The following BACH2 variants were observed in gnomAD, a reference collection of about 807,000 sequenced individuals.
The protein encoded by BACH2 is transcription regulator protein BACH2.
A neutral mutation model predicts 61.8 loss-of-function variants in BACH2; 5 were observed. The ratio of observed to expected loss-of-function variants is 0.08; its 90% CI spans 0.04 to 0.17. The LOEUF is 0.17. Ranked by LOEUF, BACH2 falls within the 10% of genes least tolerant of loss-of-function variation. BACH2 has a pLI of 1.00. For synonymous variants in BACH2, 446 were observed against 440.1 expected, an observed-to-expected ratio of 1.01 and a Z score of -0.17; for missense variants, 824 against 1,091.1, an observed-to-expected ratio of 0.76 and a Z score of 3.45.
At position 90,004,334 on chromosome 6, in the gene BACH2, C is replaced by T. The variant is rs77978239; in HGVS notation, c.243+4268G>A. Among the ~76,000 whole-genome samples the T allele has an allele frequency of 6.7e-3, 1,018 of 152,232 alleles. 22 individuals carry two copies. The East Asian group carries it at 0.079, about 12-fold the overall frequency. On this transcript the variant is annotated intron_variant, in intron 6 of 8. Transcript: ENST00000257749. ...GAAAGCAAAAGATAGTGAGCACAAG[C>T]GAGCACAAACCTGAAATCTATTTAT...
intron 4 of BACH2, among the ~76,000 whole-genome samples, chr6:90,112,715 G>T (rs553153579): frequency 1.6e-3 from 236 of 152,216 alleles, no homozygotes; most frequent in Non-Finnish European, 2.5e-3. Context: ...AAAATAATCA[G>T]CTAACAGCAC....
rs532555928 is a variant in BACH2, at chr6:90,258,304, T to A, written c.-352-5714A>T. 2.6e-5 allele frequency among the ~76,000 whole-genome samples: 4 copies of A among 152,306 alleles called. No homozygotes were observed. In the East Asian group the frequency reaches 7.7e-4, roughly 29 times the overall value. Reference sequence around the variant, plus strand: ...ATGTGGAAATCCAGTTTTCTTAACATCCTATCAAAGAGACTATTCTTTTCC... The same window carrying A: ...ATGTGGAAATCCAGTTTTCTTAACAACCTATCAAAGAGACTATTCTTTTCC... On this transcript the variant is annotated intron_variant, in intron 2 of 8. Coordinates refer to ENST00000257749, the MANE Select transcript of BACH2 (RefSeq NM_021813.4).
intron 4 of BACH2, among the ~76,000 whole-genome samples, chr6:90,193,686 T>C (rs1245707481): frequency 6.6e-6 from 1 of 152,214 alleles, no homozygotes; most frequent in Non-Finnish European, 1.5e-5. Context: ...ATACTTCCAC[T>C]GGGCTGAGAG....
chr6:90,159,174 G>A (rs1219754807), intron 4 of BACH2, among the ~76,000 whole-genome samples: 1 of 152,164 alleles, frequency 6.6e-6, no homozygotes, highest in African/African-American at 2.4e-5. Flanking sequence ...CAGCAGAATC[G>A]TTTCCCTACT....
At chr6:90,188,602 A>G (rs564825009) in intron 4 of BACH2, among the ~76,000 whole-genome samples, 1 of 152,264 alleles carries the variant, frequency 6.6e-6, no homozygotes, top group Non-Finnish European at 1.5e-5. Flanking sequence ...ATTCATGACC[A>G]AAAGACACTG....
intron 5 of BACH2, among the ~76,000 whole-genome samples, chr6:90,074,620 A>G (rs1391835069): frequency 6.6e-6 from 1 of 152,224 alleles, no homozygotes; most frequent in Non-Finnish European, 1.5e-5. Flanking sequence ...TTACTGCAGT[A>G]GGGCTCAATT....
chr6:90,036,461 T>A (rs900645044), intron 5 of BACH2, among the ~76,000 whole-genome samples: 87 of 152,152 alleles, frequency 5.7e-4, no homozygotes, highest in African/African-American at 1.9e-3. Flanking sequence ...TACTTTGAAT[T>A]TTTTCTAACA....
At chr6:90,161,086 CAA>C (rs11390042) in intron 4 of BACH2, among the ~76,000 whole-genome samples, 8 of 105,208 alleles carry the variant, frequency 7.6e-5, no homozygotes, top group Admixed American at 2.1e-4. Flanking sequence ...GACTCCGTCT[CAA>C]AAAAAAAAAA....
intron 3 of BACH2, among the ~76,000 whole-genome samples, chr6:90,238,938 C>T (rs554797741): frequency 2.0e-5 from 3 of 152,060 alleles, no homozygotes; most frequent in Non-Finnish European, 4.4e-5. Context: ...GAAGAGCACA[C>T]CTCACTTCCT....
At chr6:90,092,165 T>A (rs1371312997) in intron 4 of BACH2, among the ~76,000 whole-genome samples, 1 of 151,676 alleles carries the variant, frequency 6.6e-6, no homozygotes, top group African/African-American at 2.4e-5. Context: ...TGTACAACTA[T>A]CATTGCAAAG....
chr6:90,257,136 C>T (rs1198108450), intron 2 of BACH2, among the ~76,000 whole-genome samples: 2 of 152,208 alleles, frequency 1.3e-5, no homozygotes, highest in East Asian at 1.9e-4. Context: ...TCATCAGACA[C>T]TTAGGTTGTT....
In BACH2 at chr6:89,994,735, C is replaced by A. The variant is rs145809509; in HGVS notation, c.243+13867G>T. On this transcript the variant is annotated intron_variant, in intron 6 of 8. Coordinates refer to ENST00000257749, the MANE Select transcript of BACH2 (RefSeq NM_021813.4). ...TACTATGCCCCATCCTTTTCCTGATCTTCCTTCCCTTTCATCCACCTACCC... is the reference window on the plus strand; with the variant it reads ...TACTATGCCCCATCCTTTTCCTGATATTCCTTCCCTTTCATCCACCTACCC... Among the ~76,000 whole-genome samples the A allele has an allele frequency of 4.3e-3, 658 of 152,294 alleles. 2 individuals are homozygous for A. Among genetic ancestry groups the A allele is most frequent in the African/African-American group, 0.015 (628 of 41,558 alleles).
chr6:90,168,637 A>C (rs543858465), intron 4 of BACH2, among the ~76,000 whole-genome samples: 1 of 152,270 alleles, frequency 6.6e-6, no homozygotes, highest in African/African-American at 2.4e-5. Flanking sequence ...CCAAACAAAT[A>C]CCTAATAGAG....
At chr6:90,158,765 TG>T (rs35179212) in intron 4 of BACH2, among the ~76,000 whole-genome samples, 91 of 137,236 alleles carry the variant, frequency 6.6e-4, no homozygotes, top group Middle Eastern at 3.7e-3. Flanking sequence ...CTTCTTTTGG[TG>T]GGGGGGGGGC....
At chr6:90,029,159 A>C (rs1440403613) in intron 5 of BACH2, among the ~76,000 whole-genome samples, 1 of 152,126 alleles carries the variant, frequency 6.6e-6, no homozygotes, top group African/African-American at 2.4e-5. Context: ...ATAGTTCTCT[A>C]ACTGCATAGA....
chr6:90,141,926 C>T (rs1341867601), intron 4 of BACH2, among the ~76,000 whole-genome samples: 1 of 152,170 alleles, frequency 6.6e-6, no homozygotes, highest in African/African-American at 2.4e-5. Context: ...ATTAAAAATA[C>T]AAAAACTAGC....
At chr6:90,189,944 C>G (rs1768509924) in intron 4 of BACH2, among the ~76,000 whole-genome samples, 1 of 150,156 alleles carries the variant, frequency 6.7e-6, no homozygotes. Context: ...TCTATTAACT[C>G]TGAGCATTTT....
chr6:90,266,904 T>C lies in BACH2; in HGVS notation c.-353+4945A>G, dbSNP rs192652583. On this transcript the variant is annotated intron_variant, in intron 2 of 8. Coordinates refer to ENST00000257749, the MANE Select transcript of BACH2 (RefSeq NM_021813.4). ...ACACTTGAGGAGGGTTAATTCTATA[T>C]GAACTTACCTCAATTTTTTAAAAGT... Among the ~76,000 whole-genome samples, 555 of 152,264 alleles carry C rather than the reference T, an allele frequency of 3.6e-3. 10 individuals are homozygous for C. Among genetic ancestry groups the C allele is most frequent in the East Asian group, 9.1e-3 (47 of 5,186 alleles).
intron 4 of BACH2, among the ~76,000 whole-genome samples, chr6:90,089,327 A>G (rs1169284525): frequency 1.3e-5 from 2 of 152,008 alleles, no homozygotes; most frequent in Non-Finnish European, 2.9e-5. Flanking sequence ...TAGAAGCCCT[A>G]TTCCTTGAGG....
Sources: gnomAD v4.1 joint callset for allele counts (sites outside exome capture counted in the v4.1 genomes callset) on GRCh38, gnomAD v4.1.1 for gene constraint, MANE v1.5 for transcripts, NCBI Gene and HGNC (gene_info 2026-07-23, HGNC 2026-07-21) for gene names.